The following LARP1B variants were observed in gnomAD, a reference collection of about 807,000 sequenced individuals.
LARP1B encodes the protein la-related protein 1B.
Under a neutral mutation model 114.2 loss-of-function variants are expected in LARP1B, and 76 were observed. The observed-to-expected ratio is 0.67, with a 90% CI of 0.55 to 0.81. The LOEUF is 0.81. Among genes scored for constraint, LARP1B ranks in the 30% least tolerant of loss-of-function variants. The pLI, the probability that LARP1B is intolerant of heterozygous loss-of-function variation, is 0.00. For synonymous variants in LARP1B, 345 were observed against 348.0 expected (o/e 0.99, Z 0.10); for missense variants, 1,014 against 1,075.8 (o/e 0.94, Z 0.80).
chr4:128,068,316 C>CTT (rs1293737063), intron 1 of LARP1B, among the ~76,000 whole-genome samples: 7 of 138,418 alleles, frequency 5.1e-5, no homozygotes, highest in African/African-American at 1.1e-4. Flanking sequence ...CCACACCCGG[C>CTT]TTTTTTTTTT....
intron 12 of LARP1B, among the ~76,000 whole-genome samples, chr4:128,166,934 CTCTCTCTCT>C (rs1741119669): frequency 1.0e-4 from 3 of 28,886 alleles, no homozygotes; most frequent in African/African-American, 3.6e-4. Context: ...ATTCTATTCT[CTCTCTCTCT>C]CTCTCTCTCT....
chr4:128,173,294 C>T (rs1176235536), intron 12 of LARP1B, among the ~76,000 whole-genome samples: 2 of 152,060 alleles, frequency 1.3e-5, no homozygotes, highest in Non-Finnish European at 2.9e-5. Context: ...AAAAGCAGAG[C>T]TGAGCTGTTT....
chr4:128,185,194 G>A (rs533435075), intron 15 of LARP1B, among the ~76,000 whole-genome samples: 1 of 152,104 alleles, frequency 6.6e-6, no homozygotes, highest in Admixed American at 6.5e-5. Flanking sequence ...TATATATCCA[G>A]CAGGGAGATT....
chr4:128,220,346 C>T (rs1561598754), intron 6 of LARP1B: 1 of 944,544 alleles, frequency 1.1e-6, no homozygotes, highest in Non-Finnish European at 1.3e-6. Context: ...TTATTTTATT[C>T]TTGCATAGGA....
chr4:128,220,077 G>A (rs1006714502), intron 6 of LARP1B, among the ~76,000 whole-genome samples: 2 of 152,036 alleles, frequency 1.3e-5, no homozygotes, highest in Admixed American at 1.3e-4. Flanking sequence ...TAGAGACAGG[G>A]TTTCTCCATG....
intron 1 of LARP1B, chr4:128,062,094 C>T: frequency 2.0e-6 from 2 of 985,424 alleles, no homozygotes; most frequent in South Asian, 4.7e-5. Context: ...GCAGCTGGCC[C>T]TGCGGAAAAG....
intron 11 of LARP1B, among the ~76,000 whole-genome samples, chr4:128,128,676 A>C (rs1197585104): frequency 1.3e-5 from 2 of 152,238 alleles, no homozygotes; most frequent in African/African-American, 4.8e-5. Flanking sequence ...TTTGAAGTAC[A>C]GTTTCTTCTA....
At chr4:128,119,695 A>T (rs557912147) in intron 10 of LARP1B, among the ~76,000 whole-genome samples, 6 of 152,190 alleles carry the variant, frequency 3.9e-5, no homozygotes, top group Admixed American at 1.3e-4. Flanking sequence ...TAACCTTTGT[A>T]TCAGTTCTAG....
At chr4:128,119,644 T>A (rs956145802) in intron 10 of LARP1B, among the ~76,000 whole-genome samples, 1 of 152,202 alleles carries the variant, frequency 6.6e-6, no homozygotes, top group African/African-American at 2.4e-5. Flanking sequence ...TCTCAAAACT[T>A]TCTAGAACCC....
At chr4:128,184,810 C>T (rs1257543563) in intron 15 of LARP1B, among the ~76,000 whole-genome samples, 2 of 152,136 alleles carry the variant, frequency 1.3e-5, no homozygotes, top group Non-Finnish European at 2.9e-5. Context: ...ACTTTTTTAC[C>T]TCCCACTTAT....
intron 11 of LARP1B, among the ~76,000 whole-genome samples, chr4:128,150,845 A>G (rs1732481570): frequency 6.6e-6 from 1 of 152,234 alleles, no homozygotes; most frequent in African/African-American, 2.4e-5. Context: ...GAAGTGAGAA[A>G]GTTGAAGCAC....
In LARP1B at chr4:128,069,024, C is replaced by T. The variant is rs991458394; in HGVS notation, c.-77-5436C>T. 2.6e-5 allele frequency: 23 copies of T among 884,892 alleles called. 1 individual carries two copies. Among genetic ancestry groups the T allele is most frequent in the South Asian group, 1.7e-4 (10 of 59,774 alleles). 54.8% of individuals were successfully genotyped at this position (884,892 alleles called of 1,614,324 possible). A position where few individuals can be genotyped will look rare whatever the true frequency, so the allele number is the denominator to read the frequency against. On this transcript the variant is annotated intron_variant, in intron 1 of 19. Transcript: ENST00000326639. ...CAAACTTTACTTATATTGGCTGTAACGGTGGAGCTGGAGAGTATTGCGCCT... is the reference window on the plus strand; with the variant it reads ...CAAACTTTACTTATATTGGCTGTAATGGTGGAGCTGGAGAGTATTGCGCCT...
intron 1 of LARP1B, among the ~76,000 whole-genome samples, chr4:128,064,534 A>C (rs535504908): frequency 8.5e-5 from 13 of 152,334 alleles, no homozygotes; most frequent in African/African-American, 2.6e-4. Flanking sequence ...TAAAGAGAAC[A>C]TGGTTAAGTG....
At chr4:128,088,543 T>G (rs1416456046) in intron 5 of LARP1B, among the ~76,000 whole-genome samples, 1 of 152,174 alleles carries the variant, frequency 6.6e-6, no homozygotes, top group Non-Finnish European at 1.5e-5. Flanking sequence ...TCCAGTTTTT[T>G]TGATATTAAG....
At chr4:128,079,509 A>C (rs947824389) in intron 4 of LARP1B, among the ~76,000 whole-genome samples, 2 of 152,146 alleles carry the variant, frequency 1.3e-5, no homozygotes, top group African/African-American at 4.8e-5. Flanking sequence ...AAGACAAACA[A>C]GTGGTTGTTA....
At chr4:128,086,419 C>G (rs1168420110) in intron 5 of LARP1B, among the ~76,000 whole-genome samples, 2 of 152,100 alleles carry the variant, frequency 1.3e-5, no homozygotes, top group Admixed American at 1.3e-4. Flanking sequence ...ACCTTCACTT[C>G]CTAGGCTCAA....
Position 128,178,513 on chromosome 4 carries a change from A to G in LARP1B, c.1767A>G (p.Ala589=), listed in dbSNP as rs376722671. 9 of 1,613,956 alleles carry G rather than the reference A, an allele frequency of 5.6e-6. No homozygotes were observed. In the African/African-American group the frequency reaches 1.2e-4, roughly 22 times the overall value. The change falls in exon 14 of 20, where the codon GCA becomes GCG. Residue 589 remains alanine (A), a synonymous_variant. Transcript: ENST00000326639. ...SAAMVHSLPT[A]VPESPRIHPT... is the part of the protein sequence containing the mutation. ...CAATGGTTCATTCGTTGCCTACAGC[A>G]GTTCCAGAATCTCCTAGAATTCATC...
intron 11 of LARP1B, chr4:128,122,404 A>G: frequency 6.7e-7 from 1 of 1,485,342 alleles, no homozygotes; most frequent in Non-Finnish European, 8.9e-7. Context: ...CTGTAATTAC[A>G]AAAGAAAATT....
At position 128,103,466 on chromosome 4, in the gene LARP1B, T is replaced by C. The variant is rs180835603; in HGVS notation, c.814-3673T>C. On this transcript the variant is annotated intron_variant, in intron 8 of 19. Coordinates refer to ENST00000326639, the MANE Select transcript of LARP1B (RefSeq NM_018078.4). Reference sequence around the variant, plus strand: ...TACCTGCCTTGGTAGTGGTCAGTGTTACTTCTTTCTTGTGTCTTCCTCCTG... The same window carrying C: ...TACCTGCCTTGGTAGTGGTCAGTGTCACTTCTTTCTTGTGTCTTCCTCCTG... Among the ~76,000 whole-genome samples, 9 of 152,266 alleles carry C rather than the reference T, an allele frequency of 5.9e-5. No homozygotes were observed. The East Asian group carries it at 1.7e-3, about 29-fold the overall frequency.
Sources: gnomAD v4.1 joint callset for allele counts (sites outside exome capture counted in the v4.1 genomes callset) on GRCh38, gnomAD v4.1.1 for gene constraint, MANE v1.5 for transcripts, NCBI Gene and HGNC (gene_info 2026-07-23, HGNC 2026-07-21) for gene names.